Variants in PITPNC1 observed in about 807,000 individuals in gnomAD.
PITPNC1 encodes the protein phosphatidylinositol transfer protein cytoplasmic 1.
In PITPNC1, 18 loss-of-function variants were observed where a neutral mutation model predicts 44.7. The observed-to-expected ratio is 0.40, with a 90% CI of 0.28 to 0.60. The LOEUF is 0.60. PITPNC1 is among the 20% of genes least tolerant of loss of function. The pLI is 0.39. For synonymous variants in PITPNC1, 141 were observed against 149.6 expected (o/e 0.94, Z 0.42); for missense variants, 290 against 418.4 (o/e 0.69, Z 2.68).
chr17:67,619,304 A>G (rs2144309247), intron 5 of PITPNC1, among the ~76,000 whole-genome samples: 1 of 152,308 alleles, frequency 6.6e-6, no homozygotes, highest in East Asian at 1.9e-4. Flanking sequence ...AAAGAGTTCT[A>G]TCTGGAAGTT....
intron 1 of PITPNC1, among the ~76,000 whole-genome samples, chr17:67,389,985 G>GT (rs1268504135): frequency 6.6e-6 from 1 of 151,978 alleles, no homozygotes; most frequent in Non-Finnish European, 1.5e-5. Flanking sequence ...GGCCAAAGCT[G>GT]TTTTTTTAGA....
Position 67,692,782 on chromosome 17 carries a change from A to C in PITPNC1, c.893A>C (p.Lys298Thr). 1 of 1,613,702 alleles carries C rather than the reference A, an allele frequency of 6.2e-7. No individual in the cohort carries two copies. Among genetic ancestry groups the C allele is most frequent in the Admixed American group, 1.7e-5 (1 of 59,994 alleles). Residue 298 changes from lysine to threonine, a missense_variant, in exon 9 of 9, where the codon AAG becomes ACG. Lys to Thr is a moderately conservative substitution (Grantham distance 78). Transcript: ENST00000581322. The stretch of plus-strand genomic sequence containing the variant: ...GTTCCCAAAGATCGGCCCCGGAAAA[A>C]GTCTGCCCCAGAAACTCTCACACTT... ...LSVPKDRPRK[K>T]SAPETLTLPD...
intron 1 of PITPNC1, among the ~76,000 whole-genome samples, chr17:67,453,381 G>A (rs538315031): frequency 6.6e-6 from 1 of 152,248 alleles, no homozygotes; most frequent in South Asian, 2.1e-4. Context: ...CAGAGCAGGA[G>A]GAGGAAAGAA....
intron 5 of PITPNC1, among the ~76,000 whole-genome samples, chr17:67,627,907 T>A (rs961804805): frequency 6.6e-6 from 1 of 151,956 alleles, no homozygotes; most frequent in Non-Finnish European, 1.5e-5. Context: ...CCTATTCTTT[T>A]CTTTTTCTTC....
At chr17:67,656,073 T>C (rs2042263694) in intron 6 of PITPNC1, among the ~76,000 whole-genome samples, 1 of 152,026 alleles carries the variant, frequency 6.6e-6, no homozygotes, top group African/African-American at 2.4e-5. Context: ...ATCAAGAGCA[T>C]GGAGATAATA....
At chr17:67,496,690 C>T (rs903198567) in intron 1 of PITPNC1, among the ~76,000 whole-genome samples, 3 of 152,052 alleles carry the variant, frequency 2.0e-5, no homozygotes, top group Admixed American at 6.6e-5. Context: ...CAACCCCAGA[C>T]TCATACATGG....
rs149534813 is a variant in PITPNC1, at chr17:67,683,726, C to T, written c.682+8184C>T. ...GGCGTGGTGGCTCACACCTGTAATCCCAGCACTTTGGGAGGGCGAGGTGGG... is the reference window on the plus strand; with the variant it reads ...GGCGTGGTGGCTCACACCTGTAATCTCAGCACTTTGGGAGGGCGAGGTGGG... On this transcript the variant is annotated intron_variant, in intron 8 of 8. Coordinates refer to ENST00000581322, the MANE Select transcript of PITPNC1 (RefSeq NM_012417.4). 1.3e-4 allele frequency among the ~76,000 whole-genome samples: 20 copies of T among 152,000 alleles called. No homozygotes were observed. The East Asian group carries it at 3.9e-3, about 29-fold the overall frequency.
chr17:67,430,943 C>T lies in PITPNC1; in HGVS notation c.48+52741C>T, dbSNP rs144369031. Among the ~76,000 whole-genome samples the T allele has an allele frequency of 2.1e-3, 326 of 152,162 alleles. 2 individuals carry two copies. The highest frequency in any genetic ancestry group is 7.4e-3 in the African/African-American group (306 of 41,524). ...CAGCCTGTGTGACAAAGCAAGACCC[C>T]ATCTCTTAAAAACAAAACCAAACCA... On this transcript the variant is annotated intron_variant, in intron 1 of 8. Transcript: ENST00000581322.
intron 8 of PITPNC1, among the ~76,000 whole-genome samples, chr17:67,675,794 C>T (rs1187926736): frequency 2.0e-5 from 3 of 152,306 alleles, no homozygotes; most frequent in East Asian, 3.9e-4. Context: ...ATACGCATGG[C>T]TCCATCATTC....
intron 6 of PITPNC1, among the ~76,000 whole-genome samples, chr17:67,646,140 C>CA (rs901655386): frequency 6.6e-5 from 10 of 151,494 alleles, no homozygotes; most frequent in South Asian, 2.1e-4. Context: ...AAAGACAAAA[C>CA]AAAAAAAAGA....
rs753432939 is a variant in PITPNC1, at chr17:67,692,876, C to G, written c.987C>G (p.Pro329=). The G allele has an allele frequency of 9.4e-6, 15 of 1,591,196 alleles. No homozygotes were observed. The African/African-American group carries it at 2.0e-4, about 21-fold the overall frequency. The change falls in exon 9 of 9, where the codon CCC becomes CCG. Residue 329 remains proline (P), a synonymous_variant. Coordinates refer to ENST00000581322, the MANE Select transcript of PITPNC1 (RefSeq NM_012417.4). ...ACTCTTCAGATAAGCCATGTCGGCC[C>G]AAATCTGAGTAACTTTATATAAATA... is the stretch of plus-strand genomic sequence containing the variant. The part of the protein sequence containing the change: ...GMHSSDKPCR[P]KSE
chr17:67,587,068 G>C (rs918528995), intron 5 of PITPNC1, among the ~76,000 whole-genome samples: 12 of 152,148 alleles, frequency 7.9e-5, no homozygotes, highest in Admixed American at 7.2e-4. Context: ...GGTAAGTGGT[G>C]GTGCCATTGC....
intron 1 of PITPNC1, among the ~76,000 whole-genome samples, chr17:67,409,074 T>TA (rs1352285554): frequency 7.7e-6 from 1 of 130,244 alleles, no homozygotes; most frequent in Non-Finnish European, 1.6e-5. Context: ...ATTCATTCTT[T>TA]TTTTTTTTTT....
chr17:67,429,679 AAG>A (rs912215164), intron 1 of PITPNC1, among the ~76,000 whole-genome samples: 5 of 149,350 alleles, frequency 3.3e-5, no homozygotes, highest in African/African-American at 7.4e-5. Context: ...GCCTGGATGA[AAG>A]AGCAAAACTC....
intron 4 of PITPNC1, among the ~76,000 whole-genome samples, chr17:67,573,848 AC>A (rs2041097412): frequency 6.6e-6 from 1 of 152,164 alleles, no homozygotes; most frequent in Admixed American, 6.5e-5. Context: ...GGCATGAGCC[AC>A]CATGCCCGGC....
chr17:67,579,863 C>T (rs760329610), intron 5 of PITPNC1, among the ~76,000 whole-genome samples: 3 of 151,406 alleles, frequency 2.0e-5, no homozygotes, highest in Admixed American at 6.6e-5. Context: ...TTACTTGAGC[C>T]TGGGAGGCAG....
intron 5 of PITPNC1, among the ~76,000 whole-genome samples, chr17:67,625,221 G>A (rs943405551): frequency 6.6e-6 from 1 of 152,128 alleles, no homozygotes; most frequent in African/African-American, 2.4e-5. Flanking sequence ...TATTACAGGT[G>A]ATATAGGAAA....
intron 4 of PITPNC1, among the ~76,000 whole-genome samples, chr17:67,563,101 T>TCTC (rs2040926758): frequency 6.6e-6 from 1 of 152,188 alleles, no homozygotes; most frequent in Admixed American, 6.5e-5. Flanking sequence ...TGGATGTGAG[T>TCTC]CTCCTGTTGG....
intron 1 of PITPNC1, among the ~76,000 whole-genome samples, chr17:67,391,112 T>G (rs151314616): frequency 6.6e-6 from 1 of 150,522 alleles, no homozygotes; most frequent in African/African-American, 2.5e-5. Context: ...TTGGGTGAAG[T>G]TTGACCTTCT....
Sources: gnomAD v4.1 joint callset for allele counts (sites outside exome capture counted in the v4.1 genomes callset) on GRCh38, gnomAD v4.1.1 for gene constraint, MANE v1.5 for transcripts, NCBI Gene and HGNC (gene_info 2026-07-23, HGNC 2026-07-21) for gene names.